Variants in AGO4 observed in about 807,000 individuals in gnomAD.
AGO4 encodes the protein argonaute RISC component 4.
AGO4 carries 33 observed loss-of-function variants against 104.7 expected under a neutral mutation model. That is an observed-to-expected ratio of 0.32 (90% CI 0.24 to 0.42). AGO4 has a LOEUF of 0.42. Among genes scored for constraint, AGO4 ranks in the 10% least tolerant of loss-of-function variants. The probability of loss-of-function intolerance (pLI) is 1.00; values close to 1 mark genes in which losing one functional copy is unlikely to be tolerated. For synonymous variants in AGO4, 331 were observed against 364.7 expected, an observed-to-expected ratio of 0.91 and a Z score of 1.05; for missense variants, 711 against 1,083.4, an observed-to-expected ratio of 0.66 and a Z score of 4.83.
chr1:35,844,337 C>T (rs1269246207), intron 15 of AGO4, among the ~76,000 whole-genome samples: 1 of 152,172 alleles, frequency 6.6e-6, no homozygotes, highest in African/African-American at 2.4e-5. Flanking sequence ...AGCCACCACA[C>T]CTGTCCAAAA....
intron 13 of AGO4, among the ~76,000 whole-genome samples, 189 bp from the exon 14 acceptor site, chr1:35,840,971 TCTTCA>T (rs1272535956): frequency 5.3e-5 from 8 of 152,154 alleles, no homozygotes; most frequent in African/African-American, 1.9e-4. Flanking sequence ...CATGTTCACT[TCTTCA>T]GTCAGTCCAG....
intron 15 of AGO4, among the ~76,000 whole-genome samples, chr1:35,849,705 A>AT (rs1389214089): frequency 3.3e-5 from 5 of 150,442 alleles, no homozygotes; most frequent in Non-Finnish European, 5.9e-5. Flanking sequence ...AAAAAAAAAA[A>AT]GTACTAGTTA....
intron 15 of AGO4, among the ~76,000 whole-genome samples, chr1:35,844,583 C>T (rs1258850359): frequency 6.6e-6 from 1 of 152,182 alleles, no homozygotes; most frequent in Admixed American, 6.5e-5. Context: ...TGCCTCTCCT[C>T]TACTTTCAAA....
chr1:35,811,267 A>C (rs900473575), intron 1 of AGO4, among the ~76,000 whole-genome samples: 2 of 151,978 alleles, frequency 1.3e-5, no homozygotes, highest in Non-Finnish European at 2.9e-5. Flanking sequence ...TGAGGTTAGG[A>C]GTTCAAGACC....
intron 1 of AGO4, among the ~76,000 whole-genome samples, chr1:35,812,877 C>G (rs184580660): frequency 6.6e-6 from 1 of 151,968 alleles, no homozygotes; most frequent in Non-Finnish European, 1.5e-5. Flanking sequence ...CAGGCATGAG[C>G]CACTGTGCCT....
chr1:35,823,512 A>G (rs935670615), intron 3 of AGO4, among the ~76,000 whole-genome samples: 27 of 151,978 alleles, frequency 1.8e-4, no homozygotes, highest in African/African-American at 6.5e-4. Flanking sequence ...TGCAACTTCC[A>G]CTTCCTGGGT....
rs1644445588 is a variant in AGO4, at chr1:35,841,628, G to T, written c.2053G>T (p.Glu685Ter). 1 of 1,613,830 alleles carries T rather than the reference G, an allele frequency of 6.2e-7. No individual in the cohort carries two copies. Among genetic ancestry groups the T allele is most frequent in the African/African-American group, 1.3e-5 (1 of 74,860 alleles). Residue 685 changes from glutamate (E) to a stop codon, truncating the protein, a stop_gained, in exon 15 of 18, where the codon GAA becomes TAA. Coordinates refer to ENST00000373210, the MANE Select transcript of AGO4 (RefSeq NM_017629.4). LOFTEE classifies it high-confidence loss of function. The surrounding 1 kb of genome is among the most constrained non-coding windows in gnomAD (Gnocchi z 4.7). ...EGQMKQVAWPELIAIRKACIS... is the reference protein window; with the variant it reads ...EGQMKQVAWP ...TTCTGTCTTCTAGGTAGCTTGGCCA[G>T]AACTAATAGCAATTCGAAAGGCATG...
intron 1 of AGO4, among the ~76,000 whole-genome samples, chr1:35,812,717 G>A (rs574162898): frequency 3.2e-4 from 49 of 151,832 alleles, no homozygotes; most frequent in Non-Finnish European, 5.4e-4. Flanking sequence ...TCAGTCTCCC[G>A]AGTAGCTGGG....
chr1:35,849,106 G>T (rs1431858484), intron 15 of AGO4, among the ~76,000 whole-genome samples: 1 of 152,188 alleles, frequency 6.6e-6, no homozygotes, highest in Non-Finnish European at 1.5e-5. Flanking sequence ...ATAGCAAGAT[G>T]TAATTCCTTC....
At chr1:35,825,577 A>G (rs1643998846) in intron 4 of AGO4, 83 bp downstream of exon 4, 3 of 1,546,186 alleles carry the variant, frequency 1.9e-6, no homozygotes, top group African/African-American at 2.8e-5. Flanking sequence ...AAATTTCTGC[A>G]TAAGTCATTG....
chr1:35,828,638 A>G (rs952099707), intron 7 of AGO4, among the ~76,000 whole-genome samples: 8 of 146,402 alleles, frequency 5.5e-5, no homozygotes, highest in Non-Finnish European at 9.0e-5. Flanking sequence ...TCCTGCCTCA[A>G]CCTCCCAAGT....
rs1432616246 is a variant in AGO4, at chr1:35,840,853, A to C, written c.1725-312A>C. ...TGGCCTTGAACTTCTGGGCTCAAGC[A>C]GTCCTTCCTCCTTGGCCTTCTAAAG... is the stretch of plus-strand genomic sequence containing the variant. On this transcript the variant is annotated intron_variant, in intron 13 of 17. Transcript: ENST00000373210. Among the ~76,000 whole-genome samples the C allele has an allele frequency of 5.9e-5, 9 of 152,168 alleles. No homozygotes were observed. The East Asian group carries it at 1.7e-3, about 29-fold the overall frequency.
At chr1:35,842,600 G>C (rs1367567504) in intron 15 of AGO4, among the ~76,000 whole-genome samples, 1 of 152,114 alleles carries the variant, frequency 6.6e-6, no homozygotes, top group Non-Finnish European at 1.5e-5. Context: ...TCAGGAGTTC[G>C]AGGCCAGCCT....
intron 11 of AGO4, 130 bp downstream of exon 11, chr1:35,832,700 A>G: frequency 8.3e-7 from 1 of 1,202,298 alleles, no homozygotes. Flanking sequence ...GGCTATATGA[A>G]AAAGACCTTG....
At chr1:35,809,701 A>G (rs1193694108) in intron 1 of AGO4, among the ~76,000 whole-genome samples, 2 of 152,224 alleles carry the variant, frequency 1.3e-5, no homozygotes, top group Non-Finnish European at 2.9e-5. Context: ...TAACAGATTC[A>G]ATCTAGTAAT....
rs762623435 is a variant in AGO4, at chr1:35,816,909, C to T, written c.47C>T (p.Pro16Leu). The T allele has an allele frequency of 1.9e-6, 3 of 1,613,110 alleles. No homozygotes were observed. The South Asian group carries it at 3.3e-5, about 18-fold the overall frequency. Residue 16 changes from proline to leucine, a missense_variant, in exon 2 of 18, where the codon CCT becomes CTT. Physicochemically the swap from Pro to Leu is moderately conservative, Grantham distance 98. Transcript: ENST00000373210. ...CCTCCGGCTAGCCTGTTTCAGCCAC[C>T]TCGTCGTCCTGGCCTTGGAACTGTT... Reference protein sequence around the residue: ...PGPPASLFQPPRRPGLGTVGK... With the variant: ...PGPPASLFQPLRRPGLGTVGK...
chr1:35,844,425 C>T (rs1644518475), intron 15 of AGO4, among the ~76,000 whole-genome samples: 1 of 151,872 alleles, frequency 6.6e-6, no homozygotes, highest in Non-Finnish European at 1.5e-5. Context: ...GCCGTTTTTT[C>T]ATTTACCCTA....
intron 3 of AGO4, 73 bp downstream of exon 3, chr1:35,823,055 T>C: frequency 6.5e-7 from 1 of 1,535,174 alleles, no homozygotes; most frequent in Non-Finnish European, 8.9e-7. Context: ...TTCCTTTTCT[T>C]CCCAACACAC....
At chr1:35,819,195 G>T (rs1212320736) in intron 2 of AGO4, among the ~76,000 whole-genome samples, 2 of 152,132 alleles carry the variant, frequency 1.3e-5, no homozygotes, top group Non-Finnish European at 2.9e-5. Flanking sequence ...GGAAAAAAAG[G>T]AGTTGTCATT....
Sources: gnomAD v4.1 joint callset for allele counts (sites outside exome capture counted in the v4.1 genomes callset) on GRCh38, gnomAD v4.1.1 for gene constraint, Gnocchi (gnomAD v3.1) non-coding constraint, MANE v1.5 for transcripts, NCBI Gene and HGNC (gene_info 2026-07-23, HGNC 2026-07-21) for gene names.